The following PBX1 variants were observed in gnomAD, a reference collection of about 807,000 sequenced individuals.
PBX1 encodes the protein PBX homeobox 1.
Under a neutral mutation model 53.4 loss-of-function variants are expected in PBX1, and 6 were observed. The ratio of observed to expected loss-of-function variants is 0.11; its 90% CI spans 0.06 to 0.22. The LOEUF (loss-of-function observed/expected upper bound fraction) is 0.22. Among genes scored for constraint, PBX1 ranks in the 10% least tolerant of loss-of-function variants. The probability of loss-of-function intolerance (pLI) is 1.00; values close to 1 mark genes in which losing one functional copy is unlikely to be tolerated. For missense variants in PBX1, 251 were observed against 551.4 expected, an observed-to-expected ratio of 0.46 and a Z score of 5.46; for synonymous variants, 204 against 212.3, an observed-to-expected ratio of 0.96 and a Z score of 0.34.
chr1:164,808,547 G>A (rs1387434017), intron 5 of PBX1, among the ~76,000 whole-genome samples: 1 of 152,192 alleles, frequency 6.6e-6, no homozygotes, highest in African/African-American at 2.4e-5. Context: ...AACTGGGGAG[G>A]GGAGGGAGTA....
intron 4 of PBX1, among the ~76,000 whole-genome samples, chr1:164,803,549 T>C (rs1184515736): frequency 6.6e-6 from 1 of 152,138 alleles, no homozygotes; most frequent in African/African-American, 2.4e-5. Context: ...GTGGCGGATG[T>C]TGTGGGAGAG....
intron 2 of PBX1, among the ~76,000 whole-genome samples, chr1:164,786,718 T>TGTGTGTGTGTGC (rs1391268022): frequency 1.0e-5 from 1 of 100,052 alleles, no homozygotes; most frequent in African/African-American, 4.3e-5. Context: ...TGTGTGTGTG[T>TGTGTGTGTGTGC]GTGCGCGCGC....
chr1:164,614,232 G>A (rs931110211), intron 2 of PBX1, among the ~76,000 whole-genome samples: 1 of 152,146 alleles, frequency 6.6e-6, no homozygotes, highest in African/African-American at 2.4e-5. Flanking sequence ...GAGACCATTT[G>A]GTTCAGCCTC....
intron 2 of PBX1, among the ~76,000 whole-genome samples, chr1:164,725,870 T>G (rs1207042690): frequency 6.6e-6 from 1 of 152,026 alleles, no homozygotes; most frequent in Non-Finnish European, 1.5e-5. Flanking sequence ...ACAACTAGAG[T>G]GGTTGGCACC....
At chr1:164,723,725 C>T (rs1034976539) in intron 2 of PBX1, among the ~76,000 whole-genome samples, 2 of 152,186 alleles carry the variant, frequency 1.3e-5, no homozygotes, top group Non-Finnish European at 2.9e-5. Context: ...TATTATTGCT[C>T]TCCCCTATTT....
chr1:164,781,578 A>G (rs1571395993), intron 2 of PBX1, among the ~76,000 whole-genome samples: 4 of 152,192 alleles, frequency 2.6e-5, no homozygotes, highest in Admixed American at 2.6e-4. Context: ...CTCCCTCATC[A>G]CAGAGGCTCT....
chr1:164,756,427 A>T (rs1666527011), intron 2 of PBX1, among the ~76,000 whole-genome samples: 1 of 152,218 alleles, frequency 6.6e-6, no homozygotes. Context: ...TTCAGAGATA[A>T]TTTACACGTT....
chr1:164,883,123 A>C (rs1672700680), intron 2 of PBX1, among the ~76,000 whole-genome samples: 1 of 152,230 alleles, frequency 6.6e-6, no homozygotes, highest in African/African-American at 2.4e-5. Context: ...CTATTCTAAA[A>C]GACTTTAGTT....
chr1:164,609,118 G>A (rs1019682354), intron 2 of PBX1, among the ~76,000 whole-genome samples: 1 of 151,982 alleles, frequency 6.6e-6, no homozygotes, highest in South Asian at 2.1e-4. Flanking sequence ...AGGGCCAGAG[G>A]TGTCAGACTT....
chr1:164,607,481 G>A (rs2101817418), intron 2 of PBX1, among the ~76,000 whole-genome samples: 1 of 152,310 alleles, frequency 6.6e-6, no homozygotes, highest in East Asian at 1.9e-4. Context: ...AGAGGCTGAA[G>A]AAAGCTACTG....
At chr1:164,649,152 C>T (rs1000049570) in intron 2 of PBX1, among the ~76,000 whole-genome samples, 2 of 152,134 alleles carry the variant, frequency 1.3e-5, no homozygotes, top group African/African-American at 2.4e-5. Flanking sequence ...CACCGCCATG[C>T]GCTTAGTCAC....
At chr1:164,610,430 T>G (rs1403373455) in intron 2 of PBX1, among the ~76,000 whole-genome samples, 2 of 152,086 alleles carry the variant, frequency 1.3e-5, no homozygotes, top group Non-Finnish European at 2.9e-5. Flanking sequence ...GCGGTGGGGT[T>G]AACATAAAAG....
At chr1:164,834,165 T>C (rs528272608) in intron 8 of PBX1, among the ~76,000 whole-genome samples, 4 of 151,368 alleles carry the variant, frequency 2.6e-5, no homozygotes, top group Non-Finnish European at 5.9e-5. Flanking sequence ...TGATCCATAA[T>C]TCATTCATTC....
At chr1:164,851,847 A>G (rs1454675828), downstream of PBX1, 1 of 169,054 alleles carries the variant, frequency 5.9e-6, no homozygotes, top group African/African-American at 2.4e-5. Flanking sequence ...TATTTTGTGC[A>G]CATTTCTTTT....
Position 164,730,077 on chromosome 1 carries a change from A to C in PBX1, c.266-62417A>C, listed in dbSNP as rs1664899477. ...GGTAAACCCTGGAGGGCTTCAGGAT[A>C]TCTGAAGGCCACCATAAATCACTGT... On this transcript the variant is annotated intron_variant, in intron 2 of 8. Transcript: ENST00000420696. Among the ~76,000 whole-genome samples the C allele has an allele frequency of 2.0e-5, 3 of 152,342 alleles. No homozygotes were observed. The South Asian group carries it at 6.2e-4, about 32-fold the overall frequency.
At chr1:164,804,880 A>G (rs1558018430) in intron 4 of PBX1, among the ~76,000 whole-genome samples, 1 of 152,234 alleles carries the variant, frequency 6.6e-6, no homozygotes, top group African/African-American at 2.4e-5. Context: ...TAATAAGACT[A>G]ACAAGGAAAA....
chr1:164,743,288 T>C (rs1665713056), intron 2 of PBX1, among the ~76,000 whole-genome samples: 1 of 152,204 alleles, frequency 6.6e-6, no homozygotes, highest in Non-Finnish European at 1.5e-5. Context: ...TCTTAGAATT[T>C]TGGTTGACTC....
chr1:164,622,627 C>A (rs1389171180), intron 2 of PBX1, among the ~76,000 whole-genome samples: 1 of 152,126 alleles, frequency 6.6e-6, no homozygotes, highest in Admixed American at 6.6e-5. Flanking sequence ...TGGCCACTTT[C>A]CTGAGCCAAG....
intron 1 of PBX1, 39 bp from the exon 2 acceptor site, chr1:164,563,199 A>G (rs773522657): frequency 7.0e-7 from 1 of 1,434,872 alleles, no homozygotes; most frequent in South Asian, 1.2e-5. Context: ...TTTGATCTTG[A>G]GAGTCCACCT....
Sources: gnomAD v4.1 joint callset for allele counts (sites outside exome capture counted in the v4.1 genomes callset) on GRCh38, gnomAD v4.1.1 for gene constraint, MANE v1.5 for transcripts, NCBI Gene and HGNC (gene_info 2026-07-23, HGNC 2026-07-21) for gene names.